CUX1: variants seen among roughly 807,000 people sequenced by gnomAD.
The protein encoded by CUX1 is cut like homeobox 1.
In CUX1, 31 loss-of-function variants were observed where a neutral mutation model predicts 158.8. The ratio of observed to expected loss-of-function variants is 0.20; its 90% CI spans 0.15 to 0.26. The LOEUF is 0.26. Ranked by LOEUF, CUX1 falls within the 10% of genes least tolerant of loss-of-function variation. The pLI is 1.00. For synonymous variants in CUX1, 879 were observed against 862.1 expected, an observed-to-expected ratio of 1.02 and a Z score of -0.34; for missense variants, 1,589 against 2,014.6, an observed-to-expected ratio of 0.79 and a Z score of 4.04.
chr7:102,249,304 C>A lies in CUX1; in HGVS notation c.*262C>A. ...CCTCCACCAACCCCGCGGCCCAGAC[C>A]CAGCCCGCGGCCTGGACCCCTGGAC... On this transcript the variant is annotated 3_prime_UTR_variant, in exon 24 of 24. Coordinates refer to ENST00000292535, the MANE Select transcript of CUX1 (RefSeq NM_181552.4). 1.9e-6 allele frequency: 2 copies of A among 1,032,524 alleles called. No individual in the cohort carries two copies. The highest frequency in any genetic ancestry group is 2.3e-6 in the Non-Finnish European group (2 of 859,882). 64.0% of individuals were successfully genotyped at this position (1,032,524 alleles called of 1,614,324 possible).
At chr7:102,075,679 C>T (rs1826628730) in intron 4 of CUX1, among the ~76,000 whole-genome samples, 1 of 152,210 alleles carries the variant, frequency 6.6e-6, no homozygotes, top group African/African-American at 2.4e-5. Context: ...TGAAGCTTCC[C>T]AGTGAGGGCG....
intron 2 of CUX1, among the ~76,000 whole-genome samples, chr7:101,996,696 G>C (rs202154): frequency 0.81 from 116,039 of 144,076 alleles, 46,783 homozygotes; most frequent in East Asian, 0.99. Flanking sequence ...CCTTCCCTCC[G>C]TCTTTTTCCT....
chr7:102,047,290 T>C (rs1411115395), intron 3 of CUX1, among the ~76,000 whole-genome samples: 1 of 151,792 alleles, frequency 6.6e-6, no homozygotes, highest in Non-Finnish European at 1.5e-5. Context: ...GGTGTGTGGG[T>C]GGATGGATGA....
intron 5 of CUX1, among the ~76,000 whole-genome samples, chr7:102,102,366 G>A (rs1554486753): frequency 7.1e-6 from 1 of 140,124 alleles, no homozygotes; most frequent in Non-Finnish European, 1.5e-5. Flanking sequence ...AGAGGTTACA[G>A]TGAGCCAAGA....
In CUX1 at chr7:102,249,958, TG is replaced by T. The variant is rs1801314802; in HGVS notation, c.*917del. On this transcript the variant is annotated 3_prime_UTR_variant, in exon 24 of 24. Coordinates refer to ENST00000292535, the MANE Select transcript of CUX1 (RefSeq NM_181552.4). ...ACGTGAATAGAATCCTGACATGTAG[TG>T]CACATTGATGTATAGCTTTAACTGA... 3 of 985,344 alleles carry T rather than the reference TG, an allele frequency of 3.0e-6. No individual in the cohort carries two copies. In the South Asian group the frequency reaches 1.4e-4, roughly 46 times the overall value. 61.0% of individuals were successfully genotyped at this position (985,344 alleles called of 1,614,324 possible).
chr7:101,900,511 G>A (rs1158804295), intron 1 of CUX1, among the ~76,000 whole-genome samples: 1 of 152,208 alleles, frequency 6.6e-6, no homozygotes, highest in East Asian at 1.9e-4. Context: ...AGCTGGCTCC[G>A]AGATGGTATT....
chr7:102,244,910 G>A (rs1315026730), intron 23 of CUX1, among the ~76,000 whole-genome samples: 1 of 152,200 alleles, frequency 6.6e-6, no homozygotes, highest in Non-Finnish European at 1.5e-5. Context: ...TAGGCCAGAA[G>A]ACAGTATTCC....
intron 5 of CUX1, among the ~76,000 whole-genome samples, chr7:102,101,863 G>C (rs1391085561): frequency 6.6e-6 from 1 of 151,690 alleles, no homozygotes; most frequent in East Asian, 1.9e-4. Context: ...AGTGGGCCGA[G>C]ATTGCGCCAC....
chr7:101,871,453 G>C (rs1051073414), intron 1 of CUX1, among the ~76,000 whole-genome samples: 2 of 152,188 alleles, frequency 1.3e-5, no homozygotes, highest in South Asian at 2.1e-4. Flanking sequence ...GGCCACTGGA[G>C]AGCCACTTGG....
At chr7:102,145,354 A>G (rs539347561) in intron 8 of CUX1, among the ~76,000 whole-genome samples, 7 of 151,804 alleles carry the variant, frequency 4.6e-5, no homozygotes, top group Non-Finnish European at 7.4e-5. Flanking sequence ...TTGTGGTTGA[A>G]TCTAGAGGCT....
At chr7:102,116,911 C>A (rs1454545519) in intron 8 of CUX1, among the ~76,000 whole-genome samples, 1 of 152,162 alleles carries the variant, frequency 6.6e-6, no homozygotes, top group African/African-American at 2.4e-5. Context: ...TTCATTGATT[C>A]AACAGACATT....
chr7:102,087,921 C>T (rs1272806888), intron 4 of CUX1, among the ~76,000 whole-genome samples: 2 of 151,930 alleles, frequency 1.3e-5, no homozygotes, highest in Non-Finnish European at 2.9e-5. Context: ...CTCCTTTTAA[C>T]ATTTATTATG....
chr7:102,192,358 T>C (rs1794370462), intron 12 of CUX1, among the ~76,000 whole-genome samples: 1 of 152,184 alleles, frequency 6.6e-6, no homozygotes, highest in Admixed American at 6.5e-5. Context: ...GCCTATTACC[T>C]GTAATGGCCT....
intron 1 of CUX1, among the ~76,000 whole-genome samples, chr7:101,844,226 G>A (rs1385344849): frequency 8.7e-6 from 1 of 114,600 alleles, no homozygotes; most frequent in Admixed American, 1.4e-4. Context: ...CTGTTTACAC[G>A]GAAGGCTGCA....
At position 102,202,011 on chromosome 7, in the gene CUX1, C is replaced by A. The variant is rs782816510; in HGVS notation, c.2714C>A (p.Thr905Lys). 6.2e-7 allele frequency: 1 copy of A among 1,614,048 alleles called. No homozygotes were observed. Among genetic ancestry groups the A allele is most frequent in the Non-Finnish European group, 8.5e-7 (1 of 1,179,994 alleles). The change falls in exon 18 of 24, where the codon ACA (threonine) becomes AAA (lysine). Residue 905 changes from threonine (T) to lysine (K), a missense_variant. Transcript: ENST00000292535. ...LSLTGASRSE[T>K]PQNSPLPSSP... The stretch of plus-strand genomic sequence containing the variant: ...CTGACCGGGGCCAGCCGCAGCGAGA[C>A]ACCACAGAACAGCCCCCTGCCATCC...
chr7:102,213,143 C>G (rs1360263914), intron 20 of CUX1, among the ~76,000 whole-genome samples: 1 of 152,218 alleles, frequency 6.6e-6, no homozygotes, highest in African/African-American at 2.4e-5. Context: ...CACACCCAGC[C>G]AGATGTCTGC....
chr7:102,214,265 T>C (rs1796830222), intron 20 of CUX1, among the ~76,000 whole-genome samples: 1 of 152,200 alleles, frequency 6.6e-6, no homozygotes, highest in Non-Finnish European at 1.5e-5. Context: ...GGCTGACGCC[T>C]GTAATCCCAA....
chr7:101,844,196 G>A (rs545134591), intron 1 of CUX1, among the ~76,000 whole-genome samples: 8 of 27,854 alleles, frequency 2.9e-4, no homozygotes, highest in South Asian at 1.4e-3. Flanking sequence ...CCCCGCCCCC[G>A]CCCCCAACCC....
chr7:102,103,831 A>G (rs931580938), intron 5 of CUX1, among the ~76,000 whole-genome samples: 5 of 151,972 alleles, frequency 3.3e-5, no homozygotes, highest in African/African-American at 1.2e-4. Context: ...ACGTTTTGAT[A>G]CAGGCATGCA....
Sources: allele counts gnomAD v4.1 joint callset (sites outside exome capture counted in the v4.1 genomes callset), GRCh38; gene constraint gnomAD v4.1.1; transcripts MANE v1.5; gene names NCBI Gene and HGNC (gene_info 2026-07-23, HGNC 2026-07-21).